COL28A1: variants seen among roughly 807,000 people sequenced by gnomAD.
COL28A1 encodes the protein collagen alpha-1(XXVIII) chain.
A neutral mutation model predicts 150.2 loss-of-function variants in COL28A1; 161 were observed. That is an observed-to-expected ratio of 1.07 (90% CI 0.94 to 1.22). The LOEUF is 1.22. Among genes scored for constraint, COL28A1 ranks in the 50% most tolerant of loss-of-function variants. The probability of loss-of-function intolerance (pLI) is 0.00; values close to 1 mark genes in which losing one functional copy is unlikely to be tolerated. For synonymous variants in COL28A1, 552 were observed against 469.7 expected (o/e 1.18, Z -2.26); for missense variants, 1,617 against 1,388.3 (o/e 1.16, Z -2.62).
intron 26 of COL28A1, among the ~76,000 whole-genome samples, chr7:7,419,466 C>T (rs1784278770): frequency 6.6e-6 from 1 of 152,122 alleles, no homozygotes; most frequent in South Asian, 2.1e-4. Flanking sequence ...TCATCTTCTC[C>T]AGGGACAATC....
chr7:7,348,626 T>A, the COL28A1 span, among the ~76,000 whole-genome samples: 1 of 143,474 alleles, frequency 7.0e-6, no homozygotes, highest in Non-Finnish European at 1.5e-5. Flanking sequence ...TTCTGCTTCC[T>A]ATTTCATTAG....
chr7:7,464,494 T>A lies in COL28A1; in HGVS notation c.1303-8382A>T, dbSNP rs145000478. Among the ~76,000 whole-genome samples the A allele has an allele frequency of 2.6e-4, 39 of 152,264 alleles. 1 individual carries two copies. The East Asian group carries it at 6.7e-3, about 26-fold the overall frequency. ...GACCACAGTGGAATAAAACTGGAAA[T>A]CAACTCCAAAATGAACCTTCAAAGC... On this transcript the variant is annotated intron_variant, in intron 15 of 34. Transcript: ENST00000399429.
At chr7:7,369,790 T>C (rs112658690) in intron 33 of COL28A1, among the ~76,000 whole-genome samples, 33 of 152,292 alleles carry the variant, frequency 2.2e-4, no homozygotes, top group African/African-American at 7.5e-4. Flanking sequence ...GTTAGCTGAA[T>C]CCTGATGTTA....
intron 15 of COL28A1, among the ~76,000 whole-genome samples, chr7:7,462,200 C>T (rs534330215): frequency 6.6e-6 from 1 of 152,316 alleles, no homozygotes; most frequent in African/African-American, 2.4e-5. Flanking sequence ...ATCAAGGAAA[C>T]ACCCCATGGG....
the COL28A1 span, among the ~76,000 whole-genome samples, chr7:7,345,446 C>T: frequency 2.6e-5 from 4 of 152,032 alleles, no homozygotes; most frequent in Non-Finnish European, 5.9e-5. Context: ...TGGTGTTCTT[C>T]GTTCCTTCCA....
intron 25 of COL28A1, among the ~76,000 whole-genome samples, chr7:7,432,133 T>G (rs1785017074): frequency 1.3e-5 from 2 of 152,158 alleles, no homozygotes; most frequent in African/African-American, 4.8e-5. Flanking sequence ...CATCAGTGTG[T>G]GGACAGTGGT....
Position 7,373,267 on chromosome 7 carries a change from G to C in COL28A1, c.2639C>G (p.Ala880Gly), listed in dbSNP as rs1403043570. The C allele has an allele frequency of 6.2e-7, 1 of 1,614,038 alleles. No individual in the cohort carries two copies. The highest frequency in any genetic ancestry group is 1.1e-5 in the South Asian group (1 of 91,092). The change falls in exon 32 of 35, where the codon GCT becomes GGT. Residue 880 changes from alanine to glycine, a missense_variant. Physicochemically the swap from Ala to Gly is moderately conservative, Grantham distance 60. Transcript: ENST00000399429. The surrounding 1 kb of genome is among the most constrained non-coding windows in gnomAD (Gnocchi z 4.1). The part of the protein sequence containing the change: ...YLGEGTYTAT[A>G]LQAANDMFED... ...AAACATGTCGTTGGCTGCTTGCAGAGCAGTGGCTGTGTATGTGCCTTCCCC... is the reference window on the plus strand; with the variant it reads ...AAACATGTCGTTGGCTGCTTGCAGACCAGTGGCTGTGTATGTGCCTTCCCC...
rs531705175 is a variant in COL28A1, at chr7:7,502,843, G to A, written c.1026+3171C>T. Among the ~76,000 whole-genome samples the A allele has an allele frequency of 3.3e-3, 320 of 95,964 alleles. 135 individuals are homozygous for A. The highest frequency in any genetic ancestry group is 0.026 in the African/African-American group (312 of 11,976). The allele number at this position is 95,964 out of a possible 152,430, so 63.0% of individuals were successfully genotyped here. A position where few individuals can be genotyped will look rare whatever the true frequency, so the allele number is the denominator to read the frequency against. On this transcript the variant is annotated intron_variant, in intron 11 of 34. Coordinates refer to ENST00000399429, the MANE Select transcript of COL28A1 (RefSeq NM_001037763.3). The stretch of plus-strand genomic sequence containing the variant: ...CTCCCGAGTAGCTGGGACTACAGGC[G>A]CCCGCTACCACGCCCGGCTAATTTT...
At chr7:7,395,931 C>T (rs1359693536) in intron 27 of COL28A1, among the ~76,000 whole-genome samples, 7 of 152,130 alleles carry the variant, frequency 4.6e-5, no homozygotes, top group Admixed American at 3.9e-4. Context: ...AATAAAACAG[C>T]CAGGATTAAG....
chr7:7,413,008 C>G (rs1783872043), intron 27 of COL28A1, among the ~76,000 whole-genome samples: 1 of 151,948 alleles, frequency 6.6e-6, no homozygotes, highest in East Asian at 1.9e-4. Flanking sequence ...GGTCAGAATA[C>G]AGATGGGGGG....
intron 27 of COL28A1, among the ~76,000 whole-genome samples, chr7:7,383,388 C>T (rs1218203600): frequency 2.0e-5 from 3 of 151,392 alleles, no homozygotes; most frequent in East Asian, 3.9e-4. Context: ...AAGCGATTCT[C>T]CTGCCTCAGC....
rs74766142 is a variant in COL28A1 at position 7,396,047 on chromosome 7, G to T, written c.2137-14435C>A. Among the ~76,000 whole-genome samples, 711 of 152,306 alleles carry T rather than the reference G, an allele frequency of 4.7e-3. 5 individuals carry two copies. The highest frequency in any genetic ancestry group is 0.016 in the African/African-American group (685 of 41,564). ...CACGAACTACCTTTGTTTTGAAAGG[G>T]ATCATTTTCTGCTTTGTGAGTACAG... On this transcript the variant is annotated intron_variant, in intron 27 of 34. Transcript: ENST00000399429.
intron 9 of COL28A1, among the ~76,000 whole-genome samples, chr7:7,509,695 C>A (rs569848593): frequency 7.9e-5 from 12 of 151,832 alleles, no homozygotes; most frequent in Non-Finnish European, 1.6e-4. Flanking sequence ...TTTAATAATC[C>A]CTGACATCTT....
chr7:7,384,982 T>C (rs1782096709), intron 27 of COL28A1, among the ~76,000 whole-genome samples: 1 of 151,824 alleles, frequency 6.6e-6, no homozygotes, highest in Non-Finnish European at 1.5e-5. Context: ...CTAATAGGAG[T>C]GGATCTGCAG....
At chr7:7,395,001 A>G (rs1174454984) in intron 27 of COL28A1, among the ~76,000 whole-genome samples, 1 of 152,194 alleles carries the variant, frequency 6.6e-6, no homozygotes, top group East Asian at 1.9e-4. Flanking sequence ...AGAGAAAAAA[A>G]CAGCTATGGG....
rs535922602 is a variant in COL28A1, at chr7:7,378,733, G to C, written c.2322+1927C>G. ...CTACGTGCCAGCTAGATGACTTTGG[G>C]CGTAATGTCCAACCTGACTTGTGTG... On this transcript the variant is annotated intron_variant, in intron 30 of 34. Coordinates refer to ENST00000399429, the MANE Select transcript of COL28A1 (RefSeq NM_001037763.3). Among the ~76,000 whole-genome samples, 3 of 152,294 alleles carry C rather than the reference G, an allele frequency of 2.0e-5. No individual in the cohort carries two copies. The South Asian group carries it at 6.2e-4, about 32-fold the overall frequency.
At chr7:7,430,228 G>A (rs1446025493) in intron 25 of COL28A1, among the ~76,000 whole-genome samples, 1 of 152,140 alleles carries the variant, frequency 6.6e-6, no homozygotes, top group Admixed American at 6.6e-5. Flanking sequence ...CCGGGTTCAA[G>A]CAATTCTCCT....
At chr7:7,365,842 C>T (rs1191105526) in intron 33 of COL28A1, among the ~76,000 whole-genome samples, 1 of 152,096 alleles carries the variant, frequency 6.6e-6, no homozygotes, top group Non-Finnish European at 1.5e-5. Context: ...CTCAGGAGTC[C>T]TTCTTGATTG....
intron 8 of COL28A1, among the ~76,000 whole-genome samples, chr7:7,515,107 G>A (rs1781349617): frequency 6.6e-6 from 1 of 152,156 alleles, no homozygotes; most frequent in African/African-American, 2.4e-5. Context: ...AGCCCTGTAG[G>A]ATGGAATGGA....
Sources: allele counts gnomAD v4.1 joint callset (sites outside exome capture counted in the v4.1 genomes callset), GRCh38; gene constraint gnomAD v4.1.1; non-coding constraint Gnocchi (gnomAD v3.1); transcripts MANE v1.5; gene names NCBI Gene and HGNC (gene_info 2026-07-23, HGNC 2026-07-21).